Variants in TP53INP1 observed in about 807,000 individuals in gnomAD.
The protein encoded by TP53INP1 is tumor protein p53 inducible nuclear protein 1.
TP53INP1 carries 12 observed loss-of-function variants against 21.0 expected under a neutral mutation model. That is an observed-to-expected ratio of 0.57 (90% confidence interval 0.37 to 0.93). The LOEUF is 0.93. Among genes scored for constraint, TP53INP1 ranks in the 40% least tolerant of loss-of-function variants. The pLI, the probability that TP53INP1 is intolerant of heterozygous loss-of-function variation, is 0.01. For missense variants in TP53INP1, 274 were observed against 294.7 expected, an observed-to-expected ratio of 0.93 and a Z score of 0.51; for synonymous variants, 91 against 94.8, an observed-to-expected ratio of 0.96 and a Z score of 0.23.
At position 94,927,165 on chromosome 8, in the gene TP53INP1, C is replaced by T. The variant is rs2131294631; in HGVS notation, c.*3314G>A. ...CTATTTAAATGTAAATATCTGTCTT[C>T]TAGTTGGAGTCCTTCATGTTTTTGT... On this transcript the variant is annotated 3_prime_UTR_variant, in exon 4 of 4. Transcript: ENST00000342697. 6.5e-6 allele frequency: 1 copy of T among 152,744 alleles called. No individual in the cohort carries two copies. The highest frequency in any genetic ancestry group is 6.5e-5 in the Admixed American group (1 of 15,296). 9.5% of individuals were successfully genotyped at this position (152,744 alleles called of 1,614,324 possible). A position where few individuals can be genotyped will look rare whatever the true frequency, so the allele number is the denominator to read the frequency against.
rs1393250630 is a variant in TP53INP1, at chr8:94,930,207, A to AT, written c.*271dup. On this transcript the variant is annotated 3_prime_UTR_variant, in exon 4 of 4. Coordinates refer to ENST00000342697, the MANE Select transcript of TP53INP1 (RefSeq NM_033285.4). ...TGCTGACTAATGTATAACCTAATAT[A>AT]TTTAAAGACACCCCCAAACACTGTA... 1 of 386,286 alleles carries AT rather than the reference A, an allele frequency of 2.6e-6. No individual in the cohort carries two copies. The highest frequency in any genetic ancestry group is 4.7e-5 in the South Asian group (1 of 21,118). The allele number at this position is 386,286 out of a possible 1,614,324, so 23.9% of individuals were successfully genotyped here.
At chr8:94,942,613 C>T (rs1586744475) in intron 1 of TP53INP1, among the ~76,000 whole-genome samples, 1 of 152,226 alleles carries the variant, frequency 6.6e-6, no homozygotes, top group East Asian at 1.9e-4. Context: ...ACCTGTTATG[C>T]ATCAGGTGCA....
In TP53INP1 at chr8:94,930,241, G is replaced by C; in HGVS notation, c.*238C>G. ...CACCCCCAAACACTGTAATTATATTGATATGTTTCCAGAAATAATCTGAAA... is the reference window on the plus strand; with the variant it reads ...CACCCCCAAACACTGTAATTATATTCATATGTTTCCAGAAATAATCTGAAA... On this transcript the variant is annotated 3_prime_UTR_variant, in exon 4 of 4. Coordinates refer to ENST00000342697, the MANE Select transcript of TP53INP1 (RefSeq NM_033285.4). 1.9e-6 allele frequency: 1 copy of C among 527,052 alleles called. No homozygotes were observed. Among genetic ancestry groups the C allele is most frequent in the Non-Finnish European group, 3.3e-6 (1 of 302,698 alleles). The allele number at this position is 527,052 out of a possible 1,614,324, so 32.6% of individuals were successfully genotyped here.
In TP53INP1 at chr8:94,932,671, C is replaced by T. The variant is rs916298073; in HGVS notation, c.474-1943G>A. Among the ~76,000 whole-genome samples the T allele has an allele frequency of 3.3e-5, 5 of 152,044 alleles. No homozygotes were observed. The South Asian group carries it at 1.0e-3, about 32-fold the overall frequency. On this transcript the variant is annotated intron_variant, in intron 3 of 3. Coordinates refer to ENST00000342697, the MANE Select transcript of TP53INP1 (RefSeq NM_033285.4). ...ACAAAAAATTAGCTGGGTGCGGTGG[C>T]GGGCGCCTGTAGTCCCAGCTACTCG... is the stretch of plus-strand genomic sequence containing the variant.
intron 3 of TP53INP1, among the ~76,000 whole-genome samples, chr8:94,938,440 G>A (rs895169223): frequency 4.6e-5 from 7 of 152,228 alleles, no homozygotes; most frequent in Non-Finnish European, 8.8e-5. Flanking sequence ...AACCTCCAAT[G>A]TGGAAAGCGT....
intron 3 of TP53INP1, chr8:94,939,653 C>T (rs1227114401): frequency 5.9e-6 from 4 of 674,240 alleles, no homozygotes; most frequent in East Asian, 3.4e-5. Context: ...CTGCCTTGGC[C>T]TCCCAAAGTG....
rs2131302812 is a variant in TP53INP1 at position 94,928,985 on chromosome 8, A to G, written c.*1494T>C. 1 of 152,774 alleles carries G rather than the reference A, an allele frequency of 6.5e-6. No homozygotes were observed. Among genetic ancestry groups the G allele is most frequent in the South Asian group, 2.1e-4 (1 of 4,826 alleles). The allele number at this position is 152,774 out of a possible 1,614,324, so 9.5% of individuals were successfully genotyped here. ...TTTGGATTGTAAATATGTTTACTTC[A>G]GAGGAAATCAGTCAGAGTGGATGGC... On this transcript the variant is annotated 3_prime_UTR_variant, in exon 4 of 4. Transcript: ENST00000342697.
chr8:94,946,654 A>C (rs982223876), intron 1 of TP53INP1, among the ~76,000 whole-genome samples: 2 of 139,346 alleles, frequency 1.4e-5, no homozygotes, highest in Admixed American at 7.8e-5. Flanking sequence ...TTGTGATCCC[A>C]CCACTACACT....
chr8:94,934,389 AT>A (rs757874716), intron 3 of TP53INP1, among the ~76,000 whole-genome samples: 4,690 of 143,124 alleles, frequency 0.033, 194 homozygotes, highest in African/African-American at 0.11. Context: ...TATAAATTCT[AT>A]TTTTTTTTTT....
chr8:94,946,719 A>AAAAAAAAAAAAAAAAAAAAAAAAAAC, intron 1 of TP53INP1, among the ~76,000 whole-genome samples: 1 of 149,378 alleles, frequency 6.7e-6, no homozygotes, highest in East Asian at 2.0e-4. Flanking sequence ...AAAAAAAAAA[A>AAAAAAAAAAAAAAAAAAAAAAAAAAC]AGACAGGCCC....
intron 1 of TP53INP1, among the ~76,000 whole-genome samples, chr8:94,945,983 A>T (rs1821949824): frequency 6.6e-6 from 1 of 152,214 alleles, no homozygotes; most frequent in Non-Finnish European, 1.5e-5. Flanking sequence ...TTAAAAAATA[A>T]ATTATGTCTT....
chr8:94,934,160 A>C (rs1383425334), intron 3 of TP53INP1, among the ~76,000 whole-genome samples: 4 of 148,016 alleles, frequency 2.7e-5, no homozygotes, highest in Non-Finnish European at 6.0e-5. Flanking sequence ...AAAAAAAAAA[A>C]CACAATCTGG....
rs1196926399 is a variant in TP53INP1 at position 94,928,131 on chromosome 8, T to C, written c.*2348A>G. ...CAGTATGATATTCCAGGTGGTGTGG[T>C]AATCCCAACCTTGAAAAAAAGCCCA... On this transcript the variant is annotated 3_prime_UTR_variant, in exon 4 of 4. Coordinates refer to ENST00000342697, the MANE Select transcript of TP53INP1 (RefSeq NM_033285.4). 2 of 152,094 alleles carry C rather than the reference T, an allele frequency of 1.3e-5. No individual in the cohort carries two copies. The highest frequency in any genetic ancestry group is 2.9e-5 in the Non-Finnish European group (2 of 68,026). The allele number at this position is 152,094 out of a possible 1,614,324, so 9.4% of individuals were successfully genotyped here.
chr8:94,932,532 G>A (rs765777263), intron 3 of TP53INP1, among the ~76,000 whole-genome samples: 6 of 152,194 alleles, frequency 3.9e-5, no homozygotes, highest in Non-Finnish European at 4.4e-5. Flanking sequence ...TGCCGGGCAC[G>A]GTGGCTCACG....
intron 1 of TP53INP1, among the ~76,000 whole-genome samples, chr8:94,947,622 T>C (rs940937670): frequency 1.3e-5 from 2 of 152,228 alleles, no homozygotes; most frequent in African/African-American, 4.8e-5. Flanking sequence ...GTTCCACTTA[T>C]GTGAAGACTG....
chr8:94,938,985 G>C (rs546398791), intron 3 of TP53INP1, among the ~76,000 whole-genome samples: 2 of 152,298 alleles, frequency 1.3e-5, no homozygotes, highest in African/African-American at 4.8e-5. Context: ...GGTAGACAGT[G>C]TCAGAATTGA....
chr8:94,939,942 C>G lies in TP53INP1; in HGVS notation c.391G>C (p.Val131Leu). 6.2e-7 allele frequency: 1 copy of G among 1,614,126 alleles called. No individual in the cohort carries two copies. Among genetic ancestry groups the G allele is most frequent in the Non-Finnish European group, 8.5e-7 (1 of 1,180,022 alleles). Residue 131 changes from valine (V) to leucine (L), a missense_variant, in exon 3 of 4, where the codon GTC (valine) becomes CTC (leucine). Transcript: ENST00000342697. ...GGGCAGGAGTTATGCACAGCATAGA[C>G]AGACATGCTGGGATGTTCAATGAGA... Reference protein sequence around the residue: ...NLLIEHPSMSVYAVHNSCPGL... With the variant: ...NLLIEHPSMSLYAVHNSCPGL...
intron 3 of TP53INP1, among the ~76,000 whole-genome samples, chr8:94,934,616 G>C (rs1280235281): frequency 1.3e-5 from 2 of 151,942 alleles, no homozygotes; most frequent in African/African-American, 4.8e-5. Context: ...TCCTGACCTC[G>C]TGATCCACCC....
intron 3 of TP53INP1, among the ~76,000 whole-genome samples, chr8:94,936,636 A>G (rs1358044420): frequency 6.6e-6 from 1 of 152,154 alleles, no homozygotes; most frequent in Admixed American, 6.5e-5. Context: ...CAGAATCACA[A>G]TGAAAACCTG....
Sources: gnomAD v4.1 joint callset for allele counts (sites outside exome capture counted in the v4.1 genomes callset) on GRCh38, gnomAD v4.1.1 for gene constraint, MANE v1.5 for transcripts, NCBI Gene and HGNC (gene_info 2026-07-23, HGNC 2026-07-21) for gene names.